PUS7: variants seen among roughly 807,000 people sequenced by gnomAD.
PUS7 encodes the protein pseudouridine synthase 7.
PUS7 carries 48 observed loss-of-function variants against 79.8 expected under a neutral mutation model. The ratio of observed to expected loss-of-function variants is 0.60; its 90% CI spans 0.48 to 0.76. The LOEUF (loss-of-function observed/expected upper bound fraction) is 0.76. Among genes scored for constraint, PUS7 ranks in the 30% least tolerant of loss-of-function variants. The pLI is 0.00. For missense variants in PUS7, 729 were observed against 797.6 expected, an observed-to-expected ratio of 0.91 and a Z score of 1.04; for synonymous variants, 286 against 272.2, an observed-to-expected ratio of 1.05 and a Z score of -0.50.
At position 105,508,454 on chromosome 7, in the gene PUS7, T is replaced by C; in HGVS notation, c.59A>G (p.Asp20Gly). Residue 20 changes from aspartate to glycine, a missense_variant, in exon 2 of 16, where the codon GAT becomes GGT. Physicochemically the swap from Asp to Gly is moderately conservative, Grantham distance 94. Coordinates refer to ENST00000469408, the MANE Select transcript of PUS7 (RefSeq NM_019042.5). ...SLKRGALVVE[D>G]NDSGVPVEET... ...TTCAACTGGGACTCCACTGTCATTA[T>C]CTTCGACAACCAGTGCCCCACGTTT... 1.9e-6 allele frequency: 3 copies of C among 1,614,208 alleles called. No homozygotes were observed. Among genetic ancestry groups the C allele is most frequent in the Non-Finnish European group, 2.5e-6 (3 of 1,180,040 alleles).
chr7:105,465,366 T>C lies in PUS7; in HGVS notation c.1574A>G (p.His525Arg), dbSNP rs777344101. 6.2e-7 allele frequency: 1 copy of C among 1,613,830 alleles called. No homozygotes were observed. ...EEDDVNNYSI[H>R]DVVMPLPGFD... is the part of the protein sequence containing the mutation. ...ACCAGGCAAGGGCATTACCACATCA[T>C]GGATAGAGTAATTATTAACATCATC... The change falls in exon 13 of 16, where the codon CAT becomes CGT. Residue 525 changes from histidine to arginine, a missense_variant. Transcript: ENST00000469408.
chr7:105,461,540 G>A lies in PUS7; in HGVS notation c.1757+1081C>T, dbSNP rs192065313. Among the ~76,000 whole-genome samples the A allele has an allele frequency of 2.6e-5, 4 of 152,232 alleles. No individual in the cohort carries two copies. In the East Asian group the frequency reaches 5.8e-4, roughly 22 times the overall value. ...GGCTTAGCTTCATTTACTTCTTGAT[G>A]ATTTGAAAAATACAAAGTAGTAGCA... On this transcript the variant is annotated intron_variant, in intron 14 of 15. Transcript: ENST00000469408.
chr7:105,458,559 G>A (rs1156795096), intron 15 of PUS7, among the ~76,000 whole-genome samples: 1 of 146,312 alleles, frequency 6.8e-6, no homozygotes, highest in African/African-American at 2.5e-5. Context: ...GAGCCACCAC[G>A]CCCAGCCACC....
At chr7:105,485,574 A>G (rs963593280) in intron 7 of PUS7, among the ~76,000 whole-genome samples, 3 of 152,252 alleles carry the variant, frequency 2.0e-5, no homozygotes, top group African/African-American at 7.2e-5. Context: ...GAATTTATTT[A>G]GCAAAGGGAA....
At chr7:105,475,506 T>C (rs1256997950) in intron 9 of PUS7, among the ~76,000 whole-genome samples, 4 of 151,882 alleles carry the variant, frequency 2.6e-5, no homozygotes, top group African/African-American at 4.8e-5. Context: ...ATTTTTTTAG[T>C]AGAGATGGGG....
chr7:105,506,145 T>TG, intron 3 of PUS7, 44 bp downstream of exon 3: 1 of 1,134,742 alleles, frequency 8.8e-7, no homozygotes, highest in Non-Finnish European at 1.2e-6. Flanking sequence ...TAGGAAATGC[T>TG]ATTTTTATAC....
intron 7 of PUS7, among the ~76,000 whole-genome samples, chr7:105,489,147 C>CAAAAAAAAAAAAAAAAAAA (rs762504334): frequency 2.7e-4 from 9 of 33,596 alleles, no homozygotes; most frequent in South Asian, 1.3e-3. Context: ...AACTCCATCT[C>CAAAAAAAAAAAAAAAAAAA]AAAAAAAAAA....
At chr7:105,470,325 C>G (rs1331121021) in intron 11 of PUS7, 1 of 166,936 alleles carries the variant, frequency 6.0e-6, no homozygotes, top group Non-Finnish European at 1.3e-5. Flanking sequence ...AGACTGCTTA[C>G]TGTTCAACCC....
intron 14 of PUS7, chr7:105,462,381 G>A (rs1466963264): frequency 1.5e-5 from 6 of 403,270 alleles, no homozygotes; most frequent in African/African-American, 8.6e-5. Context: ...GCAGTGAGCC[G>A]AGATCATGCT....
chr7:105,465,084 G>A (rs1823583749), intron 13 of PUS7, among the ~76,000 whole-genome samples: 1 of 152,118 alleles, frequency 6.6e-6, no homozygotes, highest in South Asian at 2.1e-4. Flanking sequence ...CTCCCAAAAT[G>A]TTGGGATTGA....
chr7:105,495,128 C>T lies in PUS7; in HGVS notation c.842+14G>A, dbSNP rs1824957059. 1 of 1,475,526 alleles carries T rather than the reference C, an allele frequency of 6.8e-7. No individual in the cohort carries two copies. Among genetic ancestry groups the T allele is most frequent in the Non-Finnish European group, 9.4e-7 (1 of 1,064,620 alleles). 91.4% of individuals were successfully genotyped at this position (1,475,526 alleles called of 1,614,324 possible). A position where few individuals can be genotyped will look rare whatever the true frequency, so the allele number is the denominator to read the frequency against. ...TTGCTTTGATTTTGTATAGGCATAA[C>T]AACAGTAACTCACCTTAAGTATTTG... On this transcript the variant is annotated intron_variant, in intron 6 of 15. Transcript: ENST00000469408.
intron 1 of PUS7, among the ~76,000 whole-genome samples, chr7:105,514,521 GT>G (rs1825819321): frequency 6.7e-6 from 1 of 150,166 alleles, no homozygotes; most frequent in African/African-American, 2.5e-5. Flanking sequence ...GGAGAATGGC[GT>G]GAACCCGGGA....
At chr7:105,512,441 G>A (rs1316845308) in intron 1 of PUS7, among the ~76,000 whole-genome samples, 4 of 152,136 alleles carry the variant, frequency 2.6e-5, no homozygotes, top group African/African-American at 7.2e-5. Context: ...CACAAGGACC[G>A]GGAGAACACA....
intron 1 of PUS7, among the ~76,000 whole-genome samples, chr7:105,512,860 G>A (rs1320043540): frequency 1.3e-5 from 2 of 152,212 alleles, no homozygotes; most frequent in Non-Finnish European, 2.9e-5. Context: ...TAAGGCTGAA[G>A]CAAGGGAGAC....
At chr7:105,486,448 G>A (rs1166133327) in intron 7 of PUS7, among the ~76,000 whole-genome samples, 1 of 152,204 alleles carries the variant, frequency 6.6e-6, no homozygotes, top group Non-Finnish European at 1.5e-5. Flanking sequence ...TTGGAGTGCA[G>A]TGGTGCAATC....
At chr7:105,519,429 G>C (rs1250647646) in intron 1 of PUS7, among the ~76,000 whole-genome samples, 1 of 151,952 alleles carries the variant, frequency 6.6e-6, no homozygotes, top group Non-Finnish European at 1.5e-5. Flanking sequence ...TAGTAGAGAG[G>C]GGGTTTCGCC....
At chr7:105,516,322 T>C (rs1825892199) in intron 1 of PUS7, among the ~76,000 whole-genome samples, 1 of 152,142 alleles carries the variant, frequency 6.6e-6, no homozygotes, top group African/African-American at 2.4e-5. Flanking sequence ...TTCTGTCCTA[T>C]AGGCCTAAAA....
chr7:105,476,078 G>T (rs1031280754), intron 9 of PUS7, among the ~76,000 whole-genome samples: 2 of 147,966 alleles, frequency 1.4e-5, no homozygotes, highest in South Asian at 2.2e-4. Flanking sequence ...GGGCTGAGAT[G>T]GCGCCACTGC....
At chr7:105,485,037 AT>A (rs1824487530) in intron 7 of PUS7, among the ~76,000 whole-genome samples, 1 of 150,370 alleles carries the variant, frequency 6.7e-6, no homozygotes, top group Admixed American at 6.6e-5. Flanking sequence ...CAATTTTTAT[AT>A]TTTTAGCAGA....
Sources: allele counts gnomAD v4.1 joint callset (sites outside exome capture counted in the v4.1 genomes callset), GRCh38; gene constraint gnomAD v4.1.1; transcripts MANE v1.5; gene names NCBI Gene and HGNC (gene_info 2026-07-23, HGNC 2026-07-21).